Variants in ADAM19 observed in about 807,000 individuals in gnomAD.
ADAM19 encodes the protein ADAM metallopeptidase domain 19, also known as disintegrin and metalloproteinase domain-containing protein 19.
A neutral mutation model predicts 114.7 loss-of-function variants in ADAM19; 65 were observed. That is an observed-to-expected ratio of 0.57 (90% CI 0.46 to 0.70). ADAM19 has a LOEUF of 0.70. Among genes scored for constraint, ADAM19 ranks in the 30% least tolerant of loss-of-function variants. The probability of loss-of-function intolerance (pLI) is 0.00; values close to 1 mark genes in which losing one functional copy is unlikely to be tolerated. For missense variants in ADAM19, 1,063 were observed against 1,204.7 expected (o/e 0.88, Z 1.74); for synonymous variants, 466 against 460.5 (o/e 1.01, Z -0.15).
At chr5:157,565,534 C>A (rs965840688) in intron 2 of ADAM19, among the ~76,000 whole-genome samples, 3 of 151,818 alleles carry the variant, frequency 2.0e-5, no homozygotes, top group Non-Finnish European at 4.4e-5. Flanking sequence ...CACGGTGAAA[C>A]CCCGTCTCTA....
At chr5:157,548,264 C>T (rs1757101360) in intron 3 of ADAM19, among the ~76,000 whole-genome samples, 1 of 152,190 alleles carries the variant, frequency 6.6e-6, no homozygotes, top group Admixed American at 6.5e-5. Flanking sequence ...GCAGGTCCCA[C>T]ATTGTTCTGT....
At chr5:157,524,612 C>T (rs1756401148) in intron 5 of ADAM19, among the ~76,000 whole-genome samples, 1 of 152,206 alleles carries the variant, frequency 6.6e-6, no homozygotes, top group Admixed American at 6.5e-5. Context: ...CTCCCCTTCT[C>T]TGCAAATTAT....
intron 3 of ADAM19, among the ~76,000 whole-genome samples, chr5:157,557,964 T>C (rs1326632994): frequency 6.6e-6 from 1 of 152,148 alleles, no homozygotes; most frequent in African/African-American, 2.4e-5. Context: ...GAGTTTGGCT[T>C]ATAAAAAATC....
chr5:157,500,782 T>C (rs1175143272), intron 12 of ADAM19, among the ~76,000 whole-genome samples: 3 of 152,194 alleles, frequency 2.0e-5, no homozygotes, highest in East Asian at 3.8e-4. Flanking sequence ...TAAAAGATTA[T>C]GAGGCGTTCC....
In ADAM19 at chr5:157,572,869, G is replaced by A. The variant is rs1037067805; in HGVS notation, c.95-1889C>T. 1.8e-4 allele frequency among the ~76,000 whole-genome samples: 28 copies of A among 152,140 alleles called. 1 individual carries two copies. The highest frequency in any genetic ancestry group is 1.3e-4 in the Admixed American group (2 of 15,282). On this transcript the variant is annotated intron_variant, in intron 1 of 22. Transcript: ENST00000257527. ...GTTTGAGACTAGCCTGGCCAACAAG[G>A]TGAAACCCTGTCTCTACTAAAAATA...
At chr5:157,500,806 G>A (rs758278766) in intron 12 of ADAM19, among the ~76,000 whole-genome samples, 36 of 152,086 alleles carry the variant, frequency 2.4e-4, no homozygotes, top group Non-Finnish European at 3.5e-4. Flanking sequence ...GACCCTGAGC[G>A]TCCTCATCAC....
At chr5:157,552,606 G>A (rs1305252950) in intron 3 of ADAM19, among the ~76,000 whole-genome samples, 1 of 150,636 alleles carries the variant, frequency 6.6e-6, no homozygotes, top group African/African-American at 2.4e-5. Context: ...TTGAACCTGG[G>A]AGGTGGAGGT....
chr5:157,531,786 A>G (rs1035183303), intron 4 of ADAM19, among the ~76,000 whole-genome samples: 3 of 151,972 alleles, frequency 2.0e-5, no homozygotes, highest in African/African-American at 4.8e-5. Context: ...ACAGAAAGAG[A>G]AGAAGGCCAT....
intron 13 of ADAM19, among the ~76,000 whole-genome samples, chr5:157,499,050 G>C (rs986390684): frequency 2.6e-5 from 4 of 152,132 alleles, no homozygotes; most frequent in Non-Finnish European, 2.9e-5. Context: ...GGGCACCAGA[G>C]TCAGGGAAAG....
At chr5:157,516,984 T>G (rs1024581317) in intron 7 of ADAM19, among the ~76,000 whole-genome samples, 20 of 151,940 alleles carry the variant, frequency 1.3e-4, no homozygotes, top group Admixed American at 5.2e-4. Flanking sequence ...GAAAAACCAA[T>G]ATCAACATCA....
At chr5:157,574,044 T>G (rs890358598) in intron 1 of ADAM19, among the ~76,000 whole-genome samples, 13 of 152,172 alleles carry the variant, frequency 8.5e-5, no homozygotes, top group Non-Finnish European at 1.8e-4. Flanking sequence ...TTACAGAGAA[T>G]TTGATGATGT....
intron 2 of ADAM19, 27 bp from the exon 3 acceptor site, chr5:157,564,470 G>T (rs763175783): frequency 3.7e-6 from 6 of 1,610,934 alleles, no homozygotes; most frequent in Admixed American, 3.3e-5. Context: ...AACAATGTCA[G>T]TTCCTAAAAG....
chr5:157,533,526 G>GC (rs1490967563), intron 4 of ADAM19, among the ~76,000 whole-genome samples: 1 of 152,154 alleles, frequency 6.6e-6, no homozygotes, highest in Non-Finnish European at 1.5e-5. Flanking sequence ...CAACAGGGGA[G>GC]CCACAAACCC....
intron 3 of ADAM19, among the ~76,000 whole-genome samples, chr5:157,544,068 C>T (rs1254864083): frequency 6.6e-6 from 1 of 152,186 alleles, no homozygotes; most frequent in East Asian, 1.9e-4. Flanking sequence ...AAATAAGGGA[C>T]TGATGAGTCC....
intron 12 of ADAM19, among the ~76,000 whole-genome samples, chr5:157,502,113 T>A (rs765412487): frequency 9.9e-5 from 15 of 152,156 alleles, no homozygotes; most frequent in Non-Finnish European, 1.8e-4. Context: ...ACCCCCATAA[T>A]TTACTGTTAC....
chr5:157,535,704 A>G (rs1331315968), intron 4 of ADAM19, among the ~76,000 whole-genome samples: 1 of 152,258 alleles, frequency 6.6e-6, no homozygotes, highest in Non-Finnish European at 1.5e-5. Context: ...GAGAGCACAA[A>G]GAACAAGTCA....
chr5:157,537,772 C>T, intron 4 of ADAM19, 141 bp downstream of exon 4: 1 of 656,634 alleles, frequency 1.5e-6, no homozygotes, highest in Non-Finnish European at 2.6e-6. Flanking sequence ...TGTTTTGCTT[C>T]TCGTTTGCTC....
In ADAM19 at chr5:157,494,693, T is replaced by C. The variant is rs1179745380; in HGVS notation, c.1697A>G (p.Asn566Ser). The C allele has an allele frequency of 2.5e-6, 4 of 1,612,998 alleles. No individual in the cohort carries two copies. Among genetic ancestry groups the C allele is most frequent in the Non-Finnish European group, 3.4e-6 (4 of 1,179,294 alleles). Residue 566 changes from asparagine (N) to serine (S), a missense_variant, in exon 15 of 23, where the codon AAC becomes AGC. Transcript: ENST00000257527. ...KDMNGEHRKC[N>S]MRDAKCGKIQ... is the part of the protein sequence containing the mutation. ...CCTGCCCTTTGGTCATCACCTCATG[T>C]TGCACTTCCTGTGTTCACCATTCAT...
chr5:157,498,688 G>GTATGTATATA (rs1554079322), intron 13 of ADAM19, among the ~76,000 whole-genome samples: 2 of 143,862 alleles, frequency 1.4e-5, no homozygotes, highest in Non-Finnish European at 3.0e-5. Context: ...ATGTGTGTAT[G>GTATGTATATA]TATATATATA....
Sources: allele counts gnomAD v4.1 joint callset (sites outside exome capture counted in the v4.1 genomes callset), GRCh38; gene constraint gnomAD v4.1.1; transcripts MANE v1.5; gene names NCBI Gene and HGNC (gene_info 2026-07-23, HGNC 2026-07-21).